The following TMEM132C variants were observed in gnomAD, a reference collection of about 807,000 sequenced individuals.
TMEM132C encodes the protein transmembrane protein 132C.
In TMEM132C, 29 loss-of-function variants were observed where a neutral mutation model predicts 61.4. The ratio of observed to expected loss-of-function variants is 0.47; its 90% CI spans 0.35 to 0.64. The LOEUF (loss-of-function observed/expected upper bound fraction) is 0.64. TMEM132C is among the 30% of genes least tolerant of loss of function. TMEM132C has a pLI of 0.00. For missense variants in TMEM132C, 1,408 were observed against 1,476.9 expected, an observed-to-expected ratio of 0.95 and a Z score of 0.76; for synonymous variants, 656 against 633.1, an observed-to-expected ratio of 1.04 and a Z score of -0.54.
At position 128,573,045 on chromosome 12, in the gene TMEM132C, G is replaced by A. The variant is rs574302563; in HGVS notation, c.1121+28942G>A. On this transcript the variant is annotated intron_variant, in intron 3 of 8. Coordinates refer to ENST00000435159, the MANE Select transcript of TMEM132C (RefSeq NM_001136103.3). ...CAACCATTGTGGAAGACAGTGTGGCGATTCCTCAAGGATCTAGAACTAGAA... is the reference window on the plus strand; with the variant it reads ...CAACCATTGTGGAAGACAGTGTGGCAATTCCTCAAGGATCTAGAACTAGAA... 2.1e-3 allele frequency among the ~76,000 whole-genome samples: 324 copies of A among 152,274 alleles called. 2 individuals carry two copies. Among genetic ancestry groups the A allele is most frequent in the Non-Finnish European group, 3.1e-3 (210 of 68,010 alleles).
At chr12:128,470,907 C>A (rs1022040306) in intron 2 of TMEM132C, among the ~76,000 whole-genome samples, 1 of 152,184 alleles carries the variant, frequency 6.6e-6, no homozygotes, top group Admixed American at 6.5e-5. Flanking sequence ...GCTTTTGGCC[C>A]ATGCATTATA....
At chr12:128,402,029 G>A (rs1349744622) in intron 1 of TMEM132C, among the ~76,000 whole-genome samples, 5 of 152,202 alleles carry the variant, frequency 3.3e-5, no homozygotes, top group Admixed American at 3.3e-4. Flanking sequence ...CATCCAGGTG[G>A]CCCTGATGTC....
At chr12:128,608,558 A>C (rs12370681) in intron 3 of TMEM132C, among the ~76,000 whole-genome samples, 29,049 of 152,232 alleles carry the variant, frequency 0.19, 2,997 homozygotes, top group South Asian at 0.35. Flanking sequence ...GATCTACCCA[A>C]CCATATCTGT....
intron 1 of TMEM132C, among the ~76,000 whole-genome samples, chr12:128,275,629 G>A (rs1450311369): frequency 6.6e-6 from 1 of 152,106 alleles, no homozygotes; most frequent in Non-Finnish European, 1.5e-5. Flanking sequence ...CTGGTCCGAT[G>A]TAAAATTGTC....
intron 4 of TMEM132C, among the ~76,000 whole-genome samples, chr12:128,641,711 C>T (rs111385181): frequency 1.2e-3 from 187 of 152,356 alleles, no homozygotes; most frequent in African/African-American, 4.3e-3. Flanking sequence ...ACTTCTGTTA[C>T]TCAAGCCATC....
chr12:128,688,497 C>T (rs974258122), intron 5 of TMEM132C, among the ~76,000 whole-genome samples: 15 of 151,976 alleles, frequency 9.9e-5, no homozygotes, highest in African/African-American at 2.2e-4. Context: ...GACAAATAGA[C>T]GGCACAAATA....
intron 2 of TMEM132C, among the ~76,000 whole-genome samples, chr12:128,530,173 G>A (rs1368587457): frequency 6.6e-6 from 1 of 152,106 alleles, no homozygotes; most frequent in Non-Finnish European, 1.5e-5. Context: ...ATGCACCCAG[G>A]CTAACGATGA....
At chr12:128,286,513 G>C (rs1358241204) in intron 1 of TMEM132C, among the ~76,000 whole-genome samples, 1 of 152,180 alleles carries the variant, frequency 6.6e-6, no homozygotes, top group African/African-American at 2.4e-5. Context: ...AAGCCTTATT[G>C]ATTTACATAA....
chr12:128,392,278 G>A (rs771995084), intron 1 of TMEM132C, among the ~76,000 whole-genome samples: 12 of 152,146 alleles, frequency 7.9e-5, no homozygotes, highest in African/African-American at 1.2e-4. Flanking sequence ...TGCCCAGGCA[G>A]CCGAGTTTAC....
chr12:128,650,548 A>C (rs1278286896), intron 4 of TMEM132C, among the ~76,000 whole-genome samples: 1 of 152,040 alleles, frequency 6.6e-6, no homozygotes, highest in Admixed American at 6.6e-5. Context: ...ACATAGTGAG[A>C]CCCCATCTCT....
chr12:128,367,688 C>A (rs570079080), intron 1 of TMEM132C, among the ~76,000 whole-genome samples: 1 of 150,530 alleles, frequency 6.6e-6, no homozygotes, highest in Non-Finnish European at 1.5e-5. Flanking sequence ...GTCCAAACTG[C>A]GATGAGCTGT....
chr12:128,414,954 C>T lies in TMEM132C; in HGVS notation c.308C>T (p.Ser103Phe). The change falls in exon 2 of 9, where the codon TCT becomes TTT. Residue 103 changes from serine (S) to phenylalanine (F), a missense_variant. Transcript: ENST00000435159. ...PVLNASYGPF[S>F]VEKVVPLDLM... ...CTCAATGCCAGCTATGGACCCTTTT[C>T]TGTGGAGAAGGTTGTGCCTCTGGAC... 1 of 1,551,826 alleles carries T rather than the reference C, an allele frequency of 6.4e-7. No individual in the cohort carries two copies. The highest frequency in any genetic ancestry group is 1.4e-5 in the African/African-American group (1 of 73,170).
At chr12:128,368,462 A>G (rs1370104042) in intron 1 of TMEM132C, among the ~76,000 whole-genome samples, 2 of 152,218 alleles carry the variant, frequency 1.3e-5, no homozygotes, top group Non-Finnish European at 2.9e-5. Flanking sequence ...AAAGTAGCGA[A>G]GATGATAAGA....
intron 2 of TMEM132C, among the ~76,000 whole-genome samples, chr12:128,425,080 C>G (rs1869133082): frequency 6.6e-6 from 1 of 152,148 alleles, no homozygotes; most frequent in Non-Finnish European, 1.5e-5. Context: ...GGGAAGCTCC[C>G]AGGGGAGAGG....
In TMEM132C at chr12:128,365,662, G is replaced by A. The variant is rs1396285520; in HGVS notation, c.86-49070G>A. Reference sequence around the variant, plus strand: ...GGTTGTTGGAGTACCGGTTCCAGCAGGAGCTGTGATTTCCATTGAGCTCTC... The same window carrying A: ...GGTTGTTGGAGTACCGGTTCCAGCAAGAGCTGTGATTTCCATTGAGCTCTC... On this transcript the variant is annotated intron_variant, in intron 1 of 8. Coordinates refer to ENST00000435159, the MANE Select transcript of TMEM132C (RefSeq NM_001136103.3). 3.3e-5 allele frequency among the ~76,000 whole-genome samples: 5 copies of A among 152,304 alleles called. No homozygotes were observed. The East Asian group carries it at 9.7e-4, about 29-fold the overall frequency.
Position 128,676,898 on chromosome 12 carries a change from G to A in TMEM132C, c.1449+7338G>A, listed in dbSNP as rs112469773. Among the ~76,000 whole-genome samples, 6 of 152,200 alleles carry A rather than the reference G, an allele frequency of 3.9e-5. No individual in the cohort carries two copies. In the East Asian group the frequency reaches 9.6e-4, roughly 24 times the overall value. ...ATAAGGGCTGAGGAGTCTTGTCTGC[G>A]ATGTGCAGGTTAATAGGAGTCATAA... On this transcript the variant is annotated intron_variant, in intron 5 of 8. Coordinates refer to ENST00000435159, the MANE Select transcript of TMEM132C (RefSeq NM_001136103.3).
chr12:128,704,293 G>C (rs1009107305), intron 8 of TMEM132C, among the ~76,000 whole-genome samples: 1 of 152,096 alleles, frequency 6.6e-6, no homozygotes, highest in Non-Finnish European at 1.5e-5. Context: ...TTTTTACATA[G>C]CTGTTGGGTC....
At chr12:128,575,475 T>C (rs1875058772) in intron 3 of TMEM132C, among the ~76,000 whole-genome samples, 1 of 149,966 alleles carries the variant, frequency 6.7e-6, no homozygotes, top group African/African-American at 2.5e-5. Flanking sequence ...TGAGACTCCG[T>C]CTCAAAAAGA....
At chr12:128,694,159 TC>T in intron 6 of TMEM132C, 125 bp downstream of exon 6, 1 of 1,187,178 alleles carries the variant, frequency 8.4e-7, no homozygotes, top group Non-Finnish European at 1.2e-6. Context: ...TCCCCAGGGC[TC>T]CCAGATAACC....
Sources: allele counts gnomAD v4.1 joint callset (sites outside exome capture counted in the v4.1 genomes callset), GRCh38; gene constraint gnomAD v4.1.1; transcripts MANE v1.5; gene names NCBI Gene and HGNC (gene_info 2026-07-23, HGNC 2026-07-21).